The following SCAF8 variants were observed in gnomAD, a reference collection of about 807,000 sequenced individuals.
SCAF8 encodes the protein SR-related and CTD-associated factor 8.
In SCAF8, 23 loss-of-function variants were observed where a neutral mutation model predicts 140.5. The ratio of observed to expected loss-of-function variants is 0.16; its 90% CI spans 0.12 to 0.23. SCAF8 has a LOEUF of 0.23. Among genes scored for constraint, SCAF8 ranks in the 10% least tolerant of loss-of-function variants. The pLI, the probability that SCAF8 is intolerant of heterozygous loss-of-function variation, is 1.00. For synonymous variants in SCAF8, 575 were observed against 528.9 expected (o/e 1.09, Z -1.20); for missense variants, 1,397 against 1,555.7 (o/e 0.90, Z 1.72).
intron 1 of SCAF8, among the ~76,000 whole-genome samples, chr6:154,756,659 C>T (rs899945393): frequency 6.6e-6 from 1 of 152,110 alleles, no homozygotes; most frequent in Admixed American, 6.6e-5. Flanking sequence ...ACATTGTATA[C>T]AAGGATGATT....
rs1778320077 is a variant in SCAF8 at position 154,733,621 on chromosome 6, G to A, written c.-280G>A. On this transcript the variant is annotated 5_prime_UTR_variant, in exon 1 of 20. Transcript: ENST00000367178. ...AGAGAAGAGAAGGCGCCGCGGCCCA[G>A]CCCCTCCCCCGCCCGCCGCCGACCC... is the stretch of plus-strand genomic sequence containing the variant. The A allele has an allele frequency of 5.4e-6, 7 of 1,295,668 alleles. No homozygotes were observed. The highest frequency in any genetic ancestry group is 2.5e-5 in the South Asian group (1 of 40,792). The allele number at this position is 1,295,668 out of a possible 1,614,324, so 80.3% of individuals were successfully genotyped here. A position where few individuals can be genotyped will look rare whatever the true frequency, so the allele number is the denominator to read the frequency against.
At chr6:154,737,836 C>A (rs1015283352) in intron 1 of SCAF8, among the ~76,000 whole-genome samples, 2 of 152,140 alleles carry the variant, frequency 1.3e-5, no homozygotes, top group Admixed American at 6.5e-5. Context: ...GCCCACCTCC[C>A]CTCCCAAAGT....
Position 154,802,014 on chromosome 6 carries a change from C to A in SCAF8, c.650C>A (p.Pro217His), listed in dbSNP as rs1489934526. 7.5e-6 allele frequency: 12 copies of A among 1,609,848 alleles called. No homozygotes were observed. The highest frequency in any genetic ancestry group is 1.3e-5 in the African/African-American group (1 of 74,630). ...IQTLQIQQQKPQPSILQALDA... is the reference protein window; with the variant it reads ...IQTLQIQQQKHQPSILQALDA... ...ACCTTACAGATACAACAACAGAAGC[C>A]CCAGCCTTCCATTCTGCAGGCCCTA... Residue 217 changes from proline to histidine, a missense_variant, in exon 7 of 20, where the codon CCC (proline) becomes CAC (histidine). Physicochemically the swap from Pro to His is moderately conservative, Grantham distance 77. This residue lies in a region of SCAF8 where 339 missense variants were observed against 407.5 expected (regional missense o/e 0.83). Coordinates refer to ENST00000367178, the MANE Select transcript of SCAF8 (RefSeq NM_014892.5).
At chr6:154,755,602 A>G (rs1424637957) in intron 1 of SCAF8, among the ~76,000 whole-genome samples, 1 of 152,176 alleles carries the variant, frequency 6.6e-6, no homozygotes, top group South Asian at 2.1e-4. Flanking sequence ...TTGTATTTCT[A>G]AAAACCTTTC....
intron 12 of SCAF8, among the ~76,000 whole-genome samples, chr6:154,812,012 A>G (rs1008338862): frequency 1.3e-5 from 2 of 152,130 alleles, no homozygotes; most frequent in East Asian, 3.9e-4. Context: ...TGCTGTTTAC[A>G]TAGTTTTTAA....
intron 6 of SCAF8, among the ~76,000 whole-genome samples, chr6:154,800,697 A>G (rs1294069397): frequency 6.6e-6 from 1 of 151,440 alleles, no homozygotes. Flanking sequence ...TGAAAATACA[A>G]TAGAAAACAT....
chr6:154,744,565 C>T (rs1163177286), intron 1 of SCAF8, among the ~76,000 whole-genome samples: 1 of 152,092 alleles, frequency 6.6e-6, no homozygotes, highest in Admixed American at 6.6e-5. Flanking sequence ...TGAGGCCCAA[C>T]AGTTGTGATT....
intron 1 of SCAF8, among the ~76,000 whole-genome samples, chr6:154,736,518 C>G (rs546025581): frequency 1.3e-5 from 2 of 152,008 alleles, no homozygotes; most frequent in South Asian, 2.1e-4. Context: ...GTGATCCACC[C>G]GGCTCGGCCT....
rs1404358262 is a variant in SCAF8, at chr6:154,778,770, TGTG to T, written c.159+726_159+728del. 1.4e-3 allele frequency among the ~76,000 whole-genome samples: 39 copies of T among 28,240 alleles called. No individual in the cohort carries two copies. The South Asian group carries it at 0.031, about 22-fold the overall frequency. The allele number at this position is 28,240 out of a possible 152,430, so 18.5% of individuals were successfully genotyped here. A position where few individuals can be genotyped will look rare whatever the true frequency, so the allele number is the denominator to read the frequency against. ...CAGAGTGAGACCCTGTCTCAAAAAA[TGTG>T]TGTGTGTGTGTGTGTGTGTGTGTGT... On this transcript the variant is annotated intron_variant, in intron 3 of 19. Transcript: ENST00000367178.
At chr6:154,776,883 A>G (rs1776931803) in intron 2 of SCAF8, among the ~76,000 whole-genome samples, 1 of 152,170 alleles carries the variant, frequency 6.6e-6, no homozygotes, top group Non-Finnish European at 1.5e-5. Context: ...ATTCACGAGA[A>G]GAAAAGTATA....
intron 9 of SCAF8, 68 bp downstream of exon 9, chr6:154,805,554 G>C: frequency 1.3e-6 from 1 of 799,418 alleles, no homozygotes; most frequent in Non-Finnish European, 1.9e-6. Flanking sequence ...GCATTTTTGT[G>C]GGTTGGCTTT....
At chr6:154,736,479 C>T (rs1250875372) in intron 1 of SCAF8, among the ~76,000 whole-genome samples, 1 of 151,872 alleles carries the variant, frequency 6.6e-6, no homozygotes, top group African/African-American at 2.4e-5. Context: ...ATCACGTTGG[C>T]CAGGCTGGTC....
chr6:154,814,844 CTT>C (rs1308345805), intron 12 of SCAF8, among the ~76,000 whole-genome samples: 1 of 152,144 alleles, frequency 6.6e-6, no homozygotes, highest in Non-Finnish European at 1.5e-5. Context: ...AGTTAAGTAT[CTT>C]TAAGTCTTTC....
At chr6:154,754,398 T>A (rs1197784895) in intron 1 of SCAF8, among the ~76,000 whole-genome samples, 1 of 152,210 alleles carries the variant, frequency 6.6e-6, no homozygotes, top group Non-Finnish European at 1.5e-5. Context: ...GTGAACTTTT[T>A]GTTTTGTTTT....
At chr6:154,750,774 A>C (rs1287801922) in intron 1 of SCAF8, among the ~76,000 whole-genome samples, 1 of 152,208 alleles carries the variant, frequency 6.6e-6, no homozygotes, top group Admixed American at 6.5e-5. Context: ...TTGTGCATTT[A>C]AAGACTCCAT....
chr6:154,825,655 C>CCAA (rs1778545497), intron 17 of SCAF8, among the ~76,000 whole-genome samples: 1 of 64,352 alleles, frequency 1.6e-5, no homozygotes, highest in East Asian at 4.8e-4. Flanking sequence ...GACCTTGTCT[C>CCAA]AAAAAAAAAA....
At chr6:154,804,809 C>A (rs944894490) in intron 8 of SCAF8, among the ~76,000 whole-genome samples, 3 of 152,034 alleles carry the variant, frequency 2.0e-5, no homozygotes, top group African/African-American at 7.2e-5. Flanking sequence ...CAGGTGTATT[C>A]CAGGTGTGAA....
chr6:154,743,518 C>T (rs1778624240), intron 1 of SCAF8, among the ~76,000 whole-genome samples: 1 of 152,100 alleles, frequency 6.6e-6, no homozygotes, highest in African/African-American at 2.4e-5. Flanking sequence ...TTTTAAGTAC[C>T]TGAGAAATTT....
chr6:154,815,840 T>G, intron 13 of SCAF8, 24 bp downstream of exon 13: 2 of 1,481,116 alleles, frequency 1.4e-6, no homozygotes, highest in Non-Finnish European at 1.9e-6. Context: ...CTTAATAATT[T>G]AAGGTTTTAA....
Sources: allele counts gnomAD v4.1 joint callset (sites outside exome capture counted in the v4.1 genomes callset), GRCh38; gene constraint gnomAD v4.1.1; regional missense constraint gnomAD v4.1.1; transcripts MANE v1.5; gene names NCBI Gene and HGNC (gene_info 2026-07-23, HGNC 2026-07-21).